The following CBY2 variants were observed in gnomAD, a reference collection of about 807,000 sequenced individuals.
CBY2 encodes the protein protein chibby homolog 2.
In CBY2, 23 loss-of-function variants were observed where a neutral mutation model predicts 25.3. That is an observed-to-expected ratio of 0.91 (90% CI 0.65 to 1.29). CBY2 has a LOEUF of 1.29. Ranked by LOEUF, CBY2 falls within the 50% of genes most tolerant of loss-of-function variation. CBY2 has a pLI of 0.00. For missense variants in CBY2, 642 were observed against 590.7 expected (o/e 1.09, Z -0.90); for synonymous variants, 279 against 260.2 (o/e 1.07, Z -0.70).
rs1353381750 is a variant in CBY2, at chr13:45,713,608, A to C, written c.583A>C (p.Ile195Leu). 6.2e-6 allele frequency: 10 copies of C among 1,613,690 alleles called. No homozygotes were observed. The highest frequency in any genetic ancestry group is 8.5e-6 in the Non-Finnish European group (10 of 1,179,900). ...ENRMLSKENK[I>L]LQVFWEEHKA... ...CCGGATGCTCAGCAAGGAGAACAAG[A>C]TCCTACAGGTCTTCTGGGAGGAGCA... Residue 195 changes from isoleucine (I) to leucine (L), a missense_variant, in exon 3 of 3, where the codon ATC becomes CTC. By Grantham distance (5) the Ile-to-Leu change is conservative. Transcript: ENST00000310521. The surrounding 1 kb of genome is among the most constrained non-coding windows in gnomAD (Gnocchi z 5.0).
chr13:45,702,668 C>T (rs1192957955), intron 1 of CBY2, 107 bp from the exon 2 acceptor site: 4 of 983,376 alleles, frequency 4.1e-6, no homozygotes, highest in African/African-American at 1.6e-5. Flanking sequence ...ACATAATTGA[C>T]AAGAGAGAAA....
chr13:45,713,073 C>A lies in CBY2; in HGVS notation c.157-109C>A, dbSNP rs955129452. 1.1e-6 allele frequency: 1 copy of A among 900,594 alleles called. No homozygotes were observed. Among genetic ancestry groups the A allele is most frequent in the African/African-American group, 1.7e-5 (1 of 59,444 alleles). The allele number at this position is 900,594 out of a possible 1,614,324, so 55.8% of individuals were successfully genotyped here. A position where few individuals can be genotyped will look rare whatever the true frequency, so the allele number is the denominator to read the frequency against. ...AGCAAAAGCGCCCACTGTGGCCAGG[C>A]CAGACAATCAGACGGGGCTTATTTG... is the stretch of plus-strand genomic sequence containing the variant. On this transcript the variant is annotated intron_variant, in intron 2 of 2. Transcript: ENST00000310521. The surrounding 1 kb of genome is among the most constrained non-coding windows in gnomAD (Gnocchi z 5.0).
Position 45,704,899 on chromosome 13 carries a change from T to C in CBY2, c.156+2044T>C, listed in dbSNP as rs1482965565. Among the ~76,000 whole-genome samples, 3 of 152,216 alleles carry C rather than the reference T, an allele frequency of 2.0e-5. No individual in the cohort carries two copies. The highest frequency in any genetic ancestry group is 7.2e-5 in the African/African-American group (3 of 41,450). ...CTTTTTGGAGATGGAGTCTTCTCCC[T>C]GCATCTTAACCACTCATCTCTGGGC... On this transcript the variant is annotated intron_variant, in intron 2 of 2. Transcript: ENST00000310521. The surrounding 1 kb of genome is among the most constrained non-coding windows in gnomAD (Gnocchi z 4.1).
At chr13:45,703,011 G>A in intron 2 of CBY2, 156 bp downstream of exon 2, 2 of 1,136,434 alleles carry the variant, frequency 1.8e-6, no homozygotes. Flanking sequence ...CGGTGTGCTG[G>A]GGAAGGCCAC....
At chr13:45,710,840 G>T (rs1950266346) in intron 2 of CBY2, among the ~76,000 whole-genome samples, 1 of 152,172 alleles carries the variant, frequency 6.6e-6, no homozygotes, top group Non-Finnish European at 1.5e-5. Flanking sequence ...TGTGCTTATT[G>T]CAAAGTTAAT....
chr13:45,713,458 C>G lies in CBY2; in HGVS notation c.433C>G (p.Pro145Ala). The change falls in exon 3 of 3, where the codon CCC becomes GCC. Residue 145 changes from proline (P) to alanine (A), a missense_variant. Physicochemically the swap from Pro to Ala is conservative, Grantham distance 27. Coordinates refer to ENST00000310521, the MANE Select transcript of CBY2 (RefSeq NM_152719.3). The surrounding 1 kb of genome is among the most constrained non-coding windows in gnomAD (Gnocchi z 5.0). ...WVNENCRLQSPYFSPSASFHH... is the reference protein window; with the variant it reads ...WVNENCRLQSAYFSPSASFHH... ...AAATGAGAACTGCCGCCTGCAGTCT[C>G]CCTACTTCTCCCCATCCGCCTCCTT... 1 of 1,614,220 alleles carries G rather than the reference C, an allele frequency of 6.2e-7. No homozygotes were observed. Among genetic ancestry groups the G allele is most frequent in the South Asian group, 1.1e-5 (1 of 91,086 alleles).
intron 2 of CBY2, among the ~76,000 whole-genome samples, chr13:45,705,744 T>C (rs1029423656): frequency 7.2e-5 from 11 of 152,268 alleles, no homozygotes; most frequent in Admixed American, 6.5e-4. Context: ...TCATCTCATA[T>C]GAAAATCAGT....
intron 2 of CBY2, among the ~76,000 whole-genome samples, chr13:45,703,762 T>C (rs1950224584): frequency 6.6e-6 from 1 of 152,206 alleles, no homozygotes; most frequent in African/African-American, 2.4e-5. Context: ...TATAACTTTG[T>C]AATGAACAGT....
At chr13:45,702,958 TAGTC>T in intron 2 of CBY2, 103 bp downstream of exon 2, 1 of 1,185,172 alleles carries the variant, frequency 8.4e-7, no homozygotes, top group South Asian at 1.4e-5. Flanking sequence ...TAAGCAGAGA[TAGTC>T]AGGGCTTCAG....
rs1310902199 is a variant in CBY2 at position 45,714,000 on chromosome 13, C to T, written c.975C>T (p.Arg325=). 24 of 1,495,576 alleles carry T rather than the reference C, an allele frequency of 1.6e-5. No individual in the cohort carries two copies. The East Asian group carries it at 4.7e-4, about 29-fold the overall frequency. 92.6% of individuals were successfully genotyped at this position (1,495,576 alleles called of 1,614,324 possible). A position where few individuals can be genotyped will look rare whatever the true frequency, so the allele number is the denominator to read the frequency against. ...GGCAGGAGGACTCCAAGGAGCTGCGCGCCCTGCGGAAGATGGTCAGCAACA... is the reference window on the plus strand; with the variant it reads ...GGCAGGAGGACTCCAAGGAGCTGCGTGCCCTGCGGAAGATGGTCAGCAACA... ...PARQEDSKEL[R]ALRKMVSNMS... is the part of the protein sequence containing the mutation. Residue 325 remains arginine (R), a synonymous_variant, in exon 3 of 3, where the codon CGC becomes CGT. Coordinates refer to ENST00000310521, the MANE Select transcript of CBY2 (RefSeq NM_152719.3). The surrounding 1 kb of genome is among the most constrained non-coding windows in gnomAD (Gnocchi z 5.0).
At chr13:45,709,131 T>C (rs1566069792) in intron 2 of CBY2, among the ~76,000 whole-genome samples, 2 of 152,194 alleles carry the variant, frequency 1.3e-5, no homozygotes, top group Admixed American at 1.3e-4. Flanking sequence ...ATAATGACTC[T>C]TACCCTTCAT....
chr13:45,702,993 C>T (rs1950219969), intron 2 of CBY2, 138 bp downstream of exon 2: 1 of 1,110,314 alleles, frequency 9.0e-7, no homozygotes, highest in Non-Finnish European at 1.3e-6. Flanking sequence ...GGGTTGGGTG[C>T]CAGCAGGCGG....
At position 45,704,305 on chromosome 13, in the gene CBY2, C is replaced by T. The variant is rs559638748; in HGVS notation, c.156+1450C>T. Among the ~76,000 whole-genome samples the T allele has an allele frequency of 8.5e-5, 13 of 152,276 alleles. No individual in the cohort carries two copies. Among genetic ancestry groups the T allele is most frequent in the Admixed American group, 8.5e-4 (13 of 15,294 alleles). On this transcript the variant is annotated intron_variant, in intron 2 of 2. Transcript: ENST00000310521. This position sits in a 1 kb window ranked among gnomAD's most constrained non-coding sequence, Gnocchi z 4.1. Reference sequence around the variant, plus strand: ...AGCTTGTCTTGGGGCTGCCTGCTTCCTGTGCTGGAGGACCTGGTGCTGCTG... The same window carrying T: ...AGCTTGTCTTGGGGCTGCCTGCTTCTTGTGCTGGAGGACCTGGTGCTGCTG...
chr13:45,703,030 T>C, intron 2 of CBY2, 175 bp downstream of exon 2: 1 of 1,213,468 alleles, frequency 8.2e-7, no homozygotes, highest in South Asian at 1.9e-5. Flanking sequence ...ACATAGCCCC[T>C]CTGGGCCTTG....
intron 2 of CBY2, among the ~76,000 whole-genome samples, chr13:45,708,313 CT>C (rs2137505175): frequency 6.6e-6 from 1 of 152,334 alleles, no homozygotes; most frequent in African/African-American, 2.4e-5. Context: ...TTCTAGTCCC[CT>C]ATTCCCCACA....
chr13:45,706,118 G>A (rs1202628306), intron 2 of CBY2, among the ~76,000 whole-genome samples: 1 of 152,144 alleles, frequency 6.6e-6, no homozygotes, highest in Non-Finnish European at 1.5e-5. Context: ...ACTAGTAAGA[G>A]ATTTTGGTCC....
At position 45,703,644 on chromosome 13, in the gene CBY2, G is replaced by A. The variant is rs764349235; in HGVS notation, c.156+789G>A. ...ATGTGTAGGAGGAGGATTGACCACT[G>A]GTGGGCATTCCATATATATAATTGT... On this transcript the variant is annotated intron_variant, in intron 2 of 2. Transcript: ENST00000310521. 21 of 1,422,040 alleles carry A rather than the reference G, an allele frequency of 1.5e-5. No homozygotes were observed. The Admixed American group carries it at 2.6e-4, about 17-fold the overall frequency. The allele number at this position is 1,422,040 out of a possible 1,614,324, so 88.1% of individuals were successfully genotyped here. A position where few individuals can be genotyped will look rare whatever the true frequency, so the allele number is the denominator to read the frequency against.
rs1203185483 is a variant in CBY2 at position 45,713,094 on chromosome 13, AT to A, written c.157-85del. On this transcript the variant is annotated intron_variant, in intron 2 of 2. Coordinates refer to ENST00000310521, the MANE Select transcript of CBY2 (RefSeq NM_152719.3). This position sits in a 1 kb window ranked among gnomAD's most constrained non-coding sequence, Gnocchi z 5.0. ...CAGGCCAGACAATCAGACGGGGCTT[AT>A]TTGGGGATGTCCTGGCCCCTTTGTC... 5.5e-6 allele frequency: 6 copies of A among 1,089,660 alleles called. No homozygotes were observed. Among genetic ancestry groups the A allele is most frequent in the Middle Eastern group, 2.0e-4 (1 of 4,882 alleles). 67.5% of individuals were successfully genotyped at this position (1,089,660 alleles called of 1,614,324 possible).
chr13:45,713,137 G>A lies in CBY2; in HGVS notation c.157-45G>A. 6.8e-7 allele frequency: 1 copy of A among 1,474,286 alleles called. No individual in the cohort carries two copies. The allele number at this position is 1,474,286 out of a possible 1,614,324, so 91.3% of individuals were successfully genotyped here. On this transcript the variant is annotated intron_variant, in intron 2 of 2. Transcript: ENST00000310521. The surrounding 1 kb of genome is among the most constrained non-coding windows in gnomAD (Gnocchi z 5.0). Reference sequence around the variant, plus strand: ...CCCTTTGTCAGCCAGCCCCAAGTGTGTCAGTCCCATCGTTAACGCTGGGCT... The same window carrying A: ...CCCTTTGTCAGCCAGCCCCAAGTGTATCAGTCCCATCGTTAACGCTGGGCT...
Sources: gnomAD v4.1 joint callset for allele counts (sites outside exome capture counted in the v4.1 genomes callset) on GRCh38, gnomAD v4.1.1 for gene constraint, Gnocchi (gnomAD v3.1) non-coding constraint, MANE v1.5 for transcripts, NCBI Gene and HGNC (gene_info 2026-07-23, HGNC 2026-07-21) for gene names.